The following ROBO1 variants were observed in gnomAD, a reference collection of about 807,000 sequenced individuals.
ROBO1 encodes roundabout homolog 1.
ROBO1 carries 149 observed loss-of-function variants against 195.9 expected under a neutral mutation model. That is an observed-to-expected ratio of 0.76 (90% CI 0.67 to 0.87). The LOEUF (loss-of-function observed/expected upper bound fraction) is 0.87. Ranked by LOEUF, ROBO1 falls within the 40% of genes least tolerant of loss-of-function variation. The pLI is 0.00. For missense variants in ROBO1, 1,933 were observed against 2,068.3 expected, an observed-to-expected ratio of 0.93 and a Z score of 1.27; for synonymous variants, 816 against 733.2, an observed-to-expected ratio of 1.11 and a Z score of -1.82.
At position 79,519,645 on chromosome 3, in the gene ROBO1, A is replaced by AG. The variant is rs1315519850; in HGVS notation, c.88+70178_88+70179insC. Among the ~76,000 whole-genome samples, 502 of 149,956 alleles carry AG rather than the reference A, an allele frequency of 3.3e-3. 4 individuals carry two copies. Among genetic ancestry groups the AG allele is most frequent in the African/African-American group, 0.011 (436 of 40,236 alleles). On this transcript the variant is annotated intron_variant, in intron 2 of 30. Coordinates refer to ENST00000464233, the MANE Select transcript of ROBO1 (RefSeq NM_002941.4). The stretch of plus-strand genomic sequence containing the variant: ...CTCCTGCTCAAAAAAAAAAAAAAAA[A>AG]AAAAGAAAAGAAAAAAGAAATGTAT...
At chr3:79,463,539 G>GA (rs1937775355) in intron 2 of ROBO1, among the ~76,000 whole-genome samples, 1 of 152,086 alleles carries the variant, frequency 6.6e-6, no homozygotes, top group Non-Finnish European at 1.5e-5. Context: ...TTTAAAATTT[G>GA]ATTTTTTTCT....
chr3:78,968,032 G>A (rs561883660), intron 3 of ROBO1, among the ~76,000 whole-genome samples: 1 of 152,266 alleles, frequency 6.6e-6, no homozygotes, highest in African/African-American at 2.4e-5. Context: ...TATGAGTGGA[G>A]GGAAATCAAT....
chr3:78,911,566 G>A (rs192758862), intron 4 of ROBO1, among the ~76,000 whole-genome samples: 10 of 152,082 alleles, frequency 6.6e-5, no homozygotes, highest in African/African-American at 1.2e-4. Context: ...AATAATGTCC[G>A]TTGTGCTGTT....
At chr3:79,604,589 T>A (rs978017872) in intron 1 of ROBO1, among the ~76,000 whole-genome samples, 1 of 152,022 alleles carries the variant, frequency 6.6e-6, no homozygotes, top group Non-Finnish European at 1.5e-5. Context: ...TTCAAATACA[T>A]AATCCTTTAC....
chr3:79,349,163 T>C (rs2109257135), intron 2 of ROBO1, among the ~76,000 whole-genome samples: 1 of 152,290 alleles, frequency 6.6e-6, no homozygotes. Context: ...GGGTTTAATT[T>C]ATAACCAGCA....
chr3:79,267,886 C>T (rs912517425), intron 2 of ROBO1, among the ~76,000 whole-genome samples: 1 of 151,464 alleles, frequency 6.6e-6, no homozygotes, highest in Non-Finnish European at 1.5e-5. Context: ...TATATAAGAA[C>T]ACCAGAATTA....
intron 1 of ROBO1, among the ~76,000 whole-genome samples, chr3:79,700,195 T>C (rs529405439): frequency 3.3e-5 from 5 of 151,914 alleles, no homozygotes; most frequent in East Asian, 1.9e-4. Context: ...TAGTATTCCA[T>C]AGTGTATTAC....
chr3:79,504,470 T>A (rs1940283976), intron 2 of ROBO1, among the ~76,000 whole-genome samples: 2 of 152,160 alleles, frequency 1.3e-5, no homozygotes, highest in Admixed American at 1.3e-4. Context: ...AAGCCAAATA[T>A]GAAATTATGA....
At chr3:78,911,917 G>C (rs1214618780) in intron 4 of ROBO1, among the ~76,000 whole-genome samples, 1 of 152,036 alleles carries the variant, frequency 6.6e-6, no homozygotes, top group African/African-American at 2.4e-5. Context: ...TACATGTCCA[G>C]TGAGTCTTTC....
intron 3 of ROBO1, among the ~76,000 whole-genome samples, chr3:78,939,777 A>C (rs2040036072): frequency 6.6e-6 from 1 of 151,368 alleles, no homozygotes; most frequent in African/African-American, 2.4e-5. Flanking sequence ...AATTTTATTA[A>C]TAATAATTTA....
chr3:79,735,875 A>AC (rs777215254), intron 1 of ROBO1, among the ~76,000 whole-genome samples: 4,123 of 98,124 alleles, frequency 0.042, 73 homozygotes, highest in Middle Eastern at 0.084. Flanking sequence ...CGTCTCAAAA[A>AC]AAAAAAAAAA....
At chr3:79,408,839 A>G (rs1346887626) in intron 2 of ROBO1, among the ~76,000 whole-genome samples, 2 of 152,136 alleles carry the variant, frequency 1.3e-5, no homozygotes, top group African/African-American at 4.8e-5. Flanking sequence ...TTTGTAAATA[A>G]ATGTTTTTCC....
At chr3:79,547,523 C>G (rs1481261277) in intron 2 of ROBO1, among the ~76,000 whole-genome samples, 2 of 151,922 alleles carry the variant, frequency 1.3e-5, no homozygotes, top group African/African-American at 4.8e-5. Context: ...AGGAAATTTC[C>G]AAATATATAT....
At chr3:79,496,476 C>T (rs1297244309) in intron 2 of ROBO1, among the ~76,000 whole-genome samples, 4 of 140,064 alleles carry the variant, frequency 2.9e-5, no homozygotes, top group Admixed American at 1.5e-4. Flanking sequence ...CTCCGCTTCC[C>T]GGGTTCACGC....
At chr3:78,717,436 T>G (rs1189883038) in intron 6 of ROBO1, 23 bp from the exon 7 acceptor site, 2 of 1,609,336 alleles carry the variant, frequency 1.2e-6, no homozygotes, top group Non-Finnish European at 8.5e-7. Flanking sequence ...AGAGTCATCT[T>G]AAGGTAAAAT....
intron 4 of ROBO1, among the ~76,000 whole-genome samples, chr3:78,870,540 G>T (rs796109466): frequency 3.7e-4 from 57 of 152,224 alleles, no homozygotes; most frequent in African/African-American, 1.3e-3. Context: ...TCTTACACAA[G>T]AATGTCCTCA....
rs552953727 is a variant in ROBO1 at position 78,952,674 on chromosome 3, A to G, written c.173-13747T>C. On this transcript the variant is annotated intron_variant, in intron 3 of 30. Coordinates refer to ENST00000464233, the MANE Select transcript of ROBO1 (RefSeq NM_002941.4). ...ACTCATGCTTACTGTTGAAATAAGA[A>G]GCATAAAAACAGTCCACACTCTACA... Among the ~76,000 whole-genome samples the G allele has an allele frequency of 6.6e-5, 10 of 152,146 alleles. No individual in the cohort carries two copies. The South Asian group carries it at 2.1e-3, about 31-fold the overall frequency.
chr3:79,500,849 C>A (rs376708096), intron 2 of ROBO1, among the ~76,000 whole-genome samples: 38 of 152,222 alleles, frequency 2.5e-4, no homozygotes, highest in African/African-American at 9.1e-4. Context: ...GCAAGGGGGA[C>A]CTAGCAACAC....
At chr3:78,628,660 C>G (rs778870569) in intron 25 of ROBO1, among the ~76,000 whole-genome samples, 2 of 152,182 alleles carry the variant, frequency 1.3e-5, no homozygotes, top group Non-Finnish European at 2.9e-5. Context: ...AATAATATTT[C>G]TTTGCATCTT....
Sources: gnomAD v4.1 joint callset for allele counts (sites outside exome capture counted in the v4.1 genomes callset) on GRCh38, gnomAD v4.1.1 for gene constraint, MANE v1.5 for transcripts, NCBI Gene and HGNC (gene_info 2026-07-23, HGNC 2026-07-21) for gene names.